MYLK: variants seen among roughly 807,000 people sequenced by gnomAD.
The protein encoded by MYLK is myosin light chain kinase, also known as myosin light chain kinase, smooth muscle.
A neutral mutation model predicts 203.4 loss-of-function variants in MYLK; 106 were observed. The observed-to-expected ratio is 0.52, with a 90% CI of 0.45 to 0.61. MYLK has a LOEUF of 0.61. Ranked by LOEUF, MYLK falls within the 20% of genes least tolerant of loss-of-function variation. The pLI is 0.00. For missense variants in MYLK, 2,072 were observed against 2,442.3 expected (o/e 0.85, Z 3.20); for synonymous variants, 867 against 959.5 (o/e 0.90, Z 1.78).
intron 4 of MYLK, among the ~76,000 whole-genome samples, chr3:123,752,855 C>G (rs1200356755): frequency 6.6e-6 from 1 of 152,254 alleles, no homozygotes; most frequent in South Asian, 2.1e-4. Context: ...CACCTTAGAC[C>G]AATTAGATTA....
chr3:123,800,214 T>C (rs1471290699), intron 3 of MYLK: 1 of 151,944 alleles, frequency 6.6e-6, no homozygotes, highest in Non-Finnish European at 1.5e-5. Context: ...AGCTGCAGAT[T>C]CTAATCTGAG....
intron 23 of MYLK, among the ~76,000 whole-genome samples, chr3:123,658,341 G>C (rs1346427650): frequency 6.6e-6 from 1 of 152,180 alleles, no homozygotes; most frequent in Admixed American, 6.5e-5. Flanking sequence ...CCTGGCCTCA[G>C]AACTAGCAGT....
intron 3 of MYLK, among the ~76,000 whole-genome samples, chr3:123,822,557 G>C (rs36025624): frequency 0.12 from 17,660 of 152,224 alleles, 1,068 homozygotes; most frequent in Middle Eastern, 0.22. Flanking sequence ...GAATCCCACT[G>C]CTGCATCAAT....
At chr3:123,769,590 T>G (rs2063811096) in intron 4 of MYLK, among the ~76,000 whole-genome samples, 1 of 152,226 alleles carries the variant, frequency 6.6e-6, no homozygotes, top group Non-Finnish European at 1.5e-5. Flanking sequence ...GAGACACCTT[T>G]GTTGATTTCC....
At chr3:123,656,996 C>A in intron 24 of MYLK, 130 bp downstream of exon 24, 3 of 1,078,906 alleles carry the variant, frequency 2.8e-6, no homozygotes, top group South Asian at 1.3e-5. Context: ...AACCAAGACC[C>A]CAAAAGACCC....
intron 2 of MYLK, among the ~76,000 whole-genome samples, chr3:123,875,406 G>A (rs773550116): frequency 1.3e-5 from 2 of 152,128 alleles, no homozygotes; most frequent in Non-Finnish European, 2.9e-5. Flanking sequence ...ATGACATTCC[G>A]AGATAGGAAA....
chr3:123,863,482 T>G (rs2032089807), intron 2 of MYLK, among the ~76,000 whole-genome samples: 1 of 151,946 alleles, frequency 6.6e-6, no homozygotes. Flanking sequence ...GAACTGGTAT[T>G]CAGAATAAAA....
At chr3:123,793,939 CT>C in intron 3 of MYLK, 95 bp from the exon 4 acceptor site, 1 of 1,406,084 alleles carries the variant, frequency 7.1e-7, no homozygotes, top group Non-Finnish European at 9.9e-7. Context: ...GGAGGTGTGG[CT>C]TTTACGTGGA....
chr3:123,855,458 T>C (rs563407838), intron 2 of MYLK, among the ~76,000 whole-genome samples: 51 of 152,074 alleles, frequency 3.4e-4, no homozygotes, highest in Non-Finnish European at 6.0e-4. Flanking sequence ...TCTCATTGTT[T>C]ATTATTTTTT....
intron 18 of MYLK, among the ~76,000 whole-genome samples, chr3:123,694,612 C>G (rs1232586878): frequency 6.6e-6 from 1 of 152,202 alleles, no homozygotes; most frequent in Non-Finnish European, 1.5e-5. Flanking sequence ...CTGTTCAAAT[C>G]CTTGATTTTC....
At chr3:123,761,622 C>A (rs1414165262) in intron 4 of MYLK, among the ~76,000 whole-genome samples, 1 of 152,174 alleles carries the variant, frequency 6.6e-6, no homozygotes, top group Non-Finnish European at 1.5e-5. Context: ...CCAAAGGCAT[C>A]ATGATTTGCA....
At chr3:123,706,899 G>A (rs1179451676) in intron 16 of MYLK, among the ~76,000 whole-genome samples, 2 of 152,190 alleles carry the variant, frequency 1.3e-5, no homozygotes, top group Admixed American at 1.3e-4. Context: ...CCCTGTGGTA[G>A]TTTTAAAATG....
intron 5 of MYLK, among the ~76,000 whole-genome samples, chr3:123,751,998 G>A (rs2063208704): frequency 6.6e-6 from 1 of 152,190 alleles, no homozygotes; most frequent in East Asian, 1.9e-4. Context: ...GCAGAAGATG[G>A]GTCTGAGAGC....
Position 123,737,597 on chromosome 3 carries a change from G to A in MYLK, c.589-54C>T. 7 of 1,607,640 alleles carry A rather than the reference G, an allele frequency of 4.4e-6. No individual in the cohort carries two copies. The Admixed American group carries it at 1.2e-4, about 27-fold the overall frequency. ...ATACAAATCTGCTCACCTTCTGGCTGTGTCCTCCTGCCTCCTGCCAATCCT... is the reference window on the plus strand; with the variant it reads ...ATACAAATCTGCTCACCTTCTGGCTATGTCCTCCTGCCTCCTGCCAATCCT... On this transcript the variant is annotated intron_variant, in intron 7 of 33. Transcript: ENST00000360304.
In MYLK at chr3:123,738,995, C is replaced by T. The variant is rs780786576; in HGVS notation, c.490G>A (p.Ala164Thr). 1.9e-6 allele frequency: 3 copies of T among 1,613,818 alleles called. No individual in the cohort carries two copies. In the South Asian group the frequency reaches 3.3e-5, roughly 18 times the overall value. Residue 164 changes from alanine to threonine, a missense_variant, in exon 7 of 34, where the codon GCT becomes ACT. Transcript: ENST00000360304. ...ACCACAACTCGGCCCAGCTTGGTAG[C>T]AAACTTTGGTGGGCACTCCCCCCAG... Reference protein sequence around the residue: ...SIWGECPPKFATKLGRVVVKE... With the variant: ...SIWGECPPKFTTKLGRVVVKE...
chr3:123,883,851 C>T (rs1281950758), intron 1 of MYLK, among the ~76,000 whole-genome samples: 1 of 152,170 alleles, frequency 6.6e-6, no homozygotes, highest in Non-Finnish European at 1.5e-5. Flanking sequence ...CGTGGCACCC[C>T]CTTCCCAGAG....
chr3:123,672,738 G>A (rs1403018993), intron 20 of MYLK, among the ~76,000 whole-genome samples: 2 of 152,234 alleles, frequency 1.3e-5, no homozygotes, highest in Non-Finnish European at 2.9e-5. Context: ...GAATTGGTTA[G>A]CATTTGAAAC....
At chr3:123,732,778 T>G in intron 11 of MYLK, 118 bp downstream of exon 11, 1 of 981,294 alleles carries the variant, frequency 1.0e-6, no homozygotes, top group East Asian at 2.6e-5. Flanking sequence ...GTGACATTTC[T>G]GTCGGGCTGT....
At chr3:123,820,642 CCCTCCTTCCTTCCTTCCTTCCCTCCT>C (rs2065897950) in intron 3 of MYLK, among the ~76,000 whole-genome samples, 1 of 79,774 alleles carries the variant, frequency 1.3e-5, no homozygotes, top group Non-Finnish European at 3.1e-5. Context: ...TTCCTTCCTT[CCCTCCTTCCTTCCTTCCTTCCCTCCT>C]TCCTTCCTTC....
Sources: gnomAD v4.1 joint callset for allele counts (sites outside exome capture counted in the v4.1 genomes callset) on GRCh38, gnomAD v4.1.1 for gene constraint, MANE v1.5 for transcripts, NCBI Gene and HGNC (gene_info 2026-07-23, HGNC 2026-07-21) for gene names.